TIAM2: variants seen among roughly 807,000 people sequenced by gnomAD.
The protein encoded by TIAM2 is TIAM Rac1 associated GEF 2.
A neutral mutation model predicts 152.9 loss-of-function variants in TIAM2; 80 were observed. The observed-to-expected ratio is 0.52, with a 90% confidence interval of 0.44 to 0.63. The LOEUF (loss-of-function observed/expected upper bound fraction) is 0.63, where lower values mean the gene tolerates loss of function less well. Among genes scored for constraint, TIAM2 ranks in the 30% least tolerant of loss-of-function variants. The pLI, the probability that TIAM2 is intolerant of heterozygous loss-of-function variation, is 0.00. For synonymous variants in TIAM2, 804 were observed against 838.0 expected, an observed-to-expected ratio of 0.96 and a Z score of 0.70; for missense variants, 1,965 against 2,120.1, an observed-to-expected ratio of 0.93 and a Z score of 1.44.
chr6:155,003,366 G>A (rs767663818), intron 1 of TIAM2, among the ~76,000 whole-genome samples: 15 of 152,064 alleles, frequency 9.9e-5, no homozygotes, highest in East Asian at 3.9e-4. Flanking sequence ...TGTAATCCAA[G>A]CTACCCAAGA....
intron 1 of TIAM2, among the ~76,000 whole-genome samples, chr6:155,014,574 T>A (rs1235069938): frequency 6.6e-6 from 1 of 152,214 alleles, no homozygotes; most frequent in Non-Finnish European, 1.5e-5. Flanking sequence ...TTTGTATCAA[T>A]ATAGGATGCT....
chr6:155,088,871 T>C (rs112817312), intron 1 of TIAM2, among the ~76,000 whole-genome samples: 1,962 of 152,288 alleles, frequency 0.013, 48 homozygotes, highest in African/African-American at 0.045. Flanking sequence ...CCCAGGACAG[T>C]TTCTCTTCCA....
At chr6:155,048,565 CA>C (rs5881116) in intron 1 of TIAM2, among the ~76,000 whole-genome samples, 69,625 of 151,824 alleles carry the variant, frequency 0.46, 17,003 homozygotes, top group Non-Finnish European at 0.55. Flanking sequence ...GAATGGGGGT[CA>C]GGGGTGTCCT....
At chr6:155,211,150 A>G (rs1185955780) in intron 14 of TIAM2, 54 bp from the exon 15 acceptor site, 14 of 1,520,714 alleles carry the variant, frequency 9.2e-6, no homozygotes, top group Middle Eastern at 1.7e-4. Context: ...ACCGGGTGTT[A>G]TTATTCTCTG....
Position 155,164,539 on chromosome 6 carries a change from GC to G in TIAM2, c.2157del (p.Ser720ProfsTer35). The G allele has an allele frequency of 6.2e-7, 1 of 1,614,076 alleles. No individual in the cohort carries two copies. The highest frequency in any genetic ancestry group is 1.1e-5 in the South Asian group (1 of 91,076). ...AAGAGTCTCCTTGCAGCCGCCAGCCGCCCCTCCAAGCTGGCCCTCGGCAGGC... is the reference window on the plus strand; with the variant it reads ...AAGAGTCTCCTTGCAGCCGCCAGCCGCCCTCCAAGCTGGCCCTCGGCAGGC... The part of the protein sequence containing the change: ...NPKSLLAAAS[R>X]PSKLALGRLG... On this transcript the variant is annotated frameshift_variant, in exon 8 of 27. Coordinates refer to ENST00000682666, the MANE Select transcript of TIAM2 (RefSeq NM_012454.4). LOFTEE classifies it high-confidence loss of function.
chr6:155,095,510 T>C (rs1055775089), intron 2 of TIAM2, among the ~76,000 whole-genome samples: 3 of 152,168 alleles, frequency 2.0e-5, no homozygotes, highest in African/African-American at 7.2e-5. Flanking sequence ...GATTTAAAGT[T>C]GCTGGAAGGA....
chr6:155,179,393 G>T lies in TIAM2; in HGVS notation c.2644G>T (p.Glu882Ter), dbSNP rs1780838769. Residue 882 changes from glutamate (E) to a stop codon, truncating the protein, a stop_gained, in exon 12 of 27, where the codon GAA becomes TAA. Transcript: ENST00000682666. LOFTEE classifies it high-confidence loss of function. ...CCTTTTGCAGGTTTATGATGAAATA[G>T]AAGTCTTTCCACTAAATGTTTATGA... Reference protein sequence around the residue: ...YMQQQVYDEIEVFPLNVYDVQ... With the variant: ...YMQQQVYDEI 6.2e-7 allele frequency: 1 copy of T among 1,613,856 alleles called. No homozygotes were observed.
At position 155,164,584 on chromosome 6, in the gene TIAM2, C is replaced by T; in HGVS notation, c.2198C>T (p.Ser733Phe). 6.2e-7 allele frequency: 1 copy of T among 1,612,926 alleles called. No homozygotes were observed. Residue 733 changes from serine to phenylalanine, a missense_variant, in exon 8 of 27, where the codon TCC becomes TTC. Ser to Phe is a radical substitution (Grantham distance 155, BLOSUM62 -2). This residue lies in a region of TIAM2 where 1,025 missense variants were observed against 1,119.4 expected (regional missense o/e 0.92). Transcript: ENST00000682666. ...ALGRLGILSV[S>F]SFHALVCSRD... ...GGCAGGCTGGGCATCTTGTCTGTTT[C>T]CTCTTTCCATGCTCTGGTAAGTTCC...
chr6:155,016,224 T>C (rs1778577419), intron 1 of TIAM2: 1 of 152,216 alleles, frequency 6.6e-6, no homozygotes. Flanking sequence ...GAATATTTAT[T>C]GCAGCATTGT....
chr6:155,087,917 C>T (rs1326509236), intron 1 of TIAM2, among the ~76,000 whole-genome samples: 2 of 152,074 alleles, frequency 1.3e-5, no homozygotes, highest in African/African-American at 4.8e-5. Context: ...GGTCAAATCA[C>T]ACTACCTCTT....
intron 1 of TIAM2, among the ~76,000 whole-genome samples, chr6:155,078,684 G>A (rs182783042): frequency 1.3e-4 from 20 of 152,164 alleles, no homozygotes; most frequent in African/African-American, 4.6e-4. Flanking sequence ...TCTCATGCTC[G>A]GTGATCCTAA....
chr6:155,088,050 TTC>T (rs1778213253), intron 1 of TIAM2, among the ~76,000 whole-genome samples: 5 of 149,520 alleles, frequency 3.3e-5, no homozygotes, highest in African/African-American at 1.2e-4. Context: ...TTTTCTTTCT[TTC>T]TTTTTTTTTT....
At chr6:155,016,266 A>G (rs192843790) in intron 1 of TIAM2, 23 of 152,350 alleles carry the variant, frequency 1.5e-4, no homozygotes, top group Non-Finnish European at 2.4e-4. Flanking sequence ...AACTAAGTGG[A>G]TGCTTTCGAC....
At chr6:155,247,574 C>T (rs566916136) in intron 19 of TIAM2, among the ~76,000 whole-genome samples, 10 of 152,256 alleles carry the variant, frequency 6.6e-5, no homozygotes, top group East Asian at 1.9e-4. Flanking sequence ...GTGATCTGCC[C>T]GCCTCAGCCT....
At chr6:155,101,410 T>A (rs1778546555) in intron 2 of TIAM2, among the ~76,000 whole-genome samples, 1 of 152,244 alleles carries the variant, frequency 6.6e-6, no homozygotes, top group Non-Finnish European at 1.5e-5. Context: ...TGCCCATTAA[T>A]GTAATTACAT....
At chr6:155,021,496 A>G (rs1345235233) in intron 1 of TIAM2, among the ~76,000 whole-genome samples, 2 of 152,098 alleles carry the variant, frequency 1.3e-5, no homozygotes, top group Non-Finnish European at 2.9e-5. Flanking sequence ...TCCTGACCTC[A>G]TGTGATCCGC....
At chr6:155,091,800 A>G (rs1451410777) in intron 2 of TIAM2, among the ~76,000 whole-genome samples, 2 of 152,154 alleles carry the variant, frequency 1.3e-5, no homozygotes, top group Admixed American at 6.5e-5. Context: ...GAAATACACT[A>G]TTTGGAAAGC....
chr6:155,256,294 G>A, intron 26 of TIAM2, 190 bp from the exon 27 acceptor site: 2 of 805,516 alleles, frequency 2.5e-6, no homozygotes, highest in Non-Finnish European at 3.8e-6. Flanking sequence ...ACTTACAACT[G>A]TAAACCTAAG....
chr6:155,070,470 G>T (rs1217424637), intron 1 of TIAM2, among the ~76,000 whole-genome samples: 1 of 150,726 alleles, frequency 6.6e-6, no homozygotes. Flanking sequence ...ATCTACCTTG[G>T]CCTCCCAAAG....
Sources: allele counts gnomAD v4.1 joint callset (sites outside exome capture counted in the v4.1 genomes callset), GRCh38; gene constraint gnomAD v4.1.1; regional missense constraint gnomAD v4.1.1; transcripts MANE v1.5; gene names NCBI Gene and HGNC (gene_info 2026-07-23, HGNC 2026-07-21).